The following PKNOX1 variants were observed in gnomAD, a reference collection of about 807,000 sequenced individuals.
PKNOX1 encodes the protein PBX/knotted 1 homeobox 1.
A neutral mutation model predicts 51.9 loss-of-function variants in PKNOX1; 15 were observed. The observed-to-expected ratio is 0.29, with a 90% confidence interval of 0.19 to 0.45. The LOEUF is 0.45. Ranked by LOEUF, PKNOX1 falls within the 20% of genes least tolerant of loss-of-function variation. The probability of loss-of-function intolerance (pLI) is 1.00; values close to 1 mark genes in which losing one functional copy is unlikely to be tolerated. For missense variants in PKNOX1, 462 were observed against 547.5 expected (o/e 0.84, Z 1.56); for synonymous variants, 219 against 211.1 (o/e 1.04, Z -0.32).
chr21:42,999,286 A>G (rs1978643775), intron 1 of PKNOX1, among the ~76,000 whole-genome samples: 1 of 152,066 alleles, frequency 6.6e-6, no homozygotes, highest in Non-Finnish European at 1.5e-5. Context: ...CAGAACAAGG[A>G]CCCTGGGCCT....
chr21:42,984,176 G>T (rs1298598951), intron 1 of PKNOX1, among the ~76,000 whole-genome samples: 1 of 151,990 alleles, frequency 6.6e-6, no homozygotes, highest in Non-Finnish European at 1.5e-5. Context: ...AAGTAATCCA[G>T]TAATACTCCT....
Position 43,030,278 on chromosome 21 carries a change from T to C in PKNOX1, c.*177T>C, listed in dbSNP as rs73235410. Reference sequence around the variant, plus strand: ...TCTTTCAAGTGTGTGTGTGTGTGTGTGTGTGTGTGTGTGTGCGTGTGTGCG... The same window carrying C: ...TCTTTCAAGTGTGTGTGTGTGTGTGCGTGTGTGTGTGTGTGCGTGTGTGCG... On this transcript the variant is annotated 3_prime_UTR_variant, in exon 11 of 11. Coordinates refer to ENST00000291547, the MANE Select transcript of PKNOX1 (RefSeq NM_004571.5). 673 of 334,822 alleles carry C rather than the reference T, an allele frequency of 2.0e-3. 6 individuals are homozygous for C. Among genetic ancestry groups the C allele is most frequent in the South Asian group, 3.9e-3 (74 of 19,010 alleles). The allele number at this position is 334,822 out of a possible 1,614,324, so 20.7% of individuals were successfully genotyped here.
chr21:43,027,716 G>A lies in PKNOX1; in HGVS notation c.927-986G>A, dbSNP rs114355459. 5.0e-3 allele frequency among the ~76,000 whole-genome samples: 760 copies of A among 151,940 alleles called. 5 individuals are homozygous for A. The highest frequency in any genetic ancestry group is 0.017 in the African/African-American group (720 of 41,442). On this transcript the variant is annotated intron_variant, in intron 9 of 10. Transcript: ENST00000291547. ...AGGCAGATCACAAGGTGAAGAGATCGAGACCATCTTGGCCAACATGGTGTA... is the reference window on the plus strand; with the variant it reads ...AGGCAGATCACAAGGTGAAGAGATCAAGACCATCTTGGCCAACATGGTGTA...
At chr21:43,012,978 A>G (rs1979320548) in intron 4 of PKNOX1, 90 bp from the exon 5 acceptor site, 1 of 1,007,328 alleles carries the variant, frequency 9.9e-7, no homozygotes, top group Non-Finnish European at 1.5e-6. Flanking sequence ...AGATGGTTCT[A>G]TCTAATGACT....
intron 1 of PKNOX1, among the ~76,000 whole-genome samples, chr21:42,997,925 T>C (rs1268471248): frequency 6.6e-6 from 1 of 152,152 alleles, no homozygotes; most frequent in African/African-American, 2.4e-5. Flanking sequence ...AAGGGGATGC[T>C]GATGCCTGAG....
chr21:43,008,061 T>TCACACACACACACA (rs56932866), intron 3 of PKNOX1, among the ~76,000 whole-genome samples: 54 of 146,870 alleles, frequency 3.7e-4, no homozygotes, highest in African/African-American at 1.1e-3. Context: ...CAAAACTCTG[T>TCACACACACACACA]CACACACACA....
At position 43,026,231 on chromosome 21, in the gene PKNOX1, C is replaced by T. The variant is rs78229389; in HGVS notation, c.926+1284C>T. ...CTGACTTGCTACTATGTTACATTAACGAATTGTCTTATCTAGGTTTAGTAT... is the reference window on the plus strand; with the variant it reads ...CTGACTTGCTACTATGTTACATTAATGAATTGTCTTATCTAGGTTTAGTAT... On this transcript the variant is annotated intron_variant, in intron 9 of 10. Transcript: ENST00000291547. Among the ~76,000 whole-genome samples, 6 of 152,250 alleles carry T rather than the reference C, an allele frequency of 3.9e-5. 1 individual carries two copies. In the East Asian group the frequency reaches 1.2e-3, roughly 29 times the overall value.
intron 1 of PKNOX1, among the ~76,000 whole-genome samples, chr21:43,003,056 C>T (rs1978831934): frequency 6.6e-6 from 1 of 152,210 alleles, no homozygotes; most frequent in African/African-American, 2.4e-5. Context: ...GACGGTAGTC[C>T]TTCTGCATCC....
chr21:42,975,047 C>CGGGGCGGGGGCG (rs532954182), intron 1 of PKNOX1, among the ~76,000 whole-genome samples: 6 of 141,052 alleles, frequency 4.3e-5, no homozygotes, highest in Non-Finnish European at 6.2e-5. Context: ...CGCCCCGGCG[C>CGGGGCGGGGGCG]GGGGCGGGGG....
In PKNOX1 at chr21:43,018,183, G is replaced by T; in HGVS notation, c.673G>T (p.Val225Phe). ...GGTCGTCACTCCCCAAGGCCAAGTG[G>T]TCACACAGACATTGTCGCCTGGGAC... ...VTVVTPQGQV[V>F]TQTLSPGTIR... Residue 225 changes from valine to phenylalanine, a missense_variant, in exon 7 of 11, where the codon GTC (valine) becomes TTC (phenylalanine). Transcript: ENST00000291547. 6.2e-7 allele frequency: 1 copy of T among 1,613,816 alleles called. No individual in the cohort carries two copies. Among genetic ancestry groups the T allele is most frequent in the Non-Finnish European group, 8.5e-7 (1 of 1,179,870 alleles).
chr21:43,028,255 C>T (rs775157533), intron 9 of PKNOX1, among the ~76,000 whole-genome samples: 19 of 152,180 alleles, frequency 1.2e-4, no homozygotes, highest in Non-Finnish European at 2.8e-4. Flanking sequence ...GAGGCTCGGC[C>T]CCGTTGGTGA....
At chr21:43,011,101 T>C (rs1389574229) in intron 4 of PKNOX1, among the ~76,000 whole-genome samples, 1 of 137,272 alleles carries the variant, frequency 7.3e-6, no homozygotes. Context: ...GGAGTCTCGC[T>C]CTGTTGCCCA....
At chr21:43,001,492 T>C (rs1004161862) in intron 1 of PKNOX1, among the ~76,000 whole-genome samples, 1 of 152,124 alleles carries the variant, frequency 6.6e-6, no homozygotes, top group Non-Finnish European at 1.5e-5. Context: ...TGGTCCTCCT[T>C]CTCCACGAGG....
intron 1 of PKNOX1, among the ~76,000 whole-genome samples, chr21:43,002,660 G>A (rs1247598809): frequency 1.3e-5 from 2 of 152,164 alleles, no homozygotes; most frequent in South Asian, 2.1e-4. Context: ...CTCAAGAGGC[G>A]ACCTGGCTGC....
chr21:43,006,953 A>G (rs1979015082), intron 2 of PKNOX1, among the ~76,000 whole-genome samples: 1 of 152,236 alleles, frequency 6.6e-6, no homozygotes, highest in South Asian at 2.1e-4. Flanking sequence ...AGCAGTTTAA[A>G]TGATAGTATC....
intron 1 of PKNOX1, among the ~76,000 whole-genome samples, chr21:42,985,631 G>A (rs1409791471): frequency 2.6e-5 from 4 of 151,100 alleles, no homozygotes; most frequent in East Asian, 2.0e-4. Context: ...CACCACGTCC[G>A]GCCAGGGTCT....
At chr21:43,016,619 C>CTGG (rs1210770576) in intron 5 of PKNOX1, among the ~76,000 whole-genome samples, 3 of 152,206 alleles carry the variant, frequency 2.0e-5, no homozygotes, top group Admixed American at 2.0e-4. Context: ...CGATATACTC[C>CTGG]TGGGCTGTAA....
chr21:43,025,233 A>G (rs1568905186), intron 9 of PKNOX1, among the ~76,000 whole-genome samples: 1 of 152,220 alleles, frequency 6.6e-6, no homozygotes, highest in East Asian at 1.9e-4. Context: ...GAGACTTAGG[A>G]ATAAACCAGG....
chr21:42,992,720 G>A lies in PKNOX1; in HGVS notation c.-56-11606G>A, dbSNP rs546667486. On this transcript the variant is annotated intron_variant, in intron 1 of 10. Coordinates refer to ENST00000291547, the MANE Select transcript of PKNOX1 (RefSeq NM_004571.5). ...TCACAGATTAGAGGAGGTCTTCACAGCACTGGGGGTTCCCTCACAGCACTG... is the reference window on the plus strand; with the variant it reads ...TCACAGATTAGAGGAGGTCTTCACAACACTGGGGGTTCCCTCACAGCACTG... 2.1e-5 allele frequency among the ~76,000 whole-genome samples: 3 copies of A among 141,086 alleles called. No homozygotes were observed. The East Asian group carries it at 5.8e-4, about 27-fold the overall frequency. 92.6% of individuals were successfully genotyped at this position (141,086 alleles called of 152,430 possible).
Sources: gnomAD v4.1 joint callset for allele counts (sites outside exome capture counted in the v4.1 genomes callset) on GRCh38, gnomAD v4.1.1 for gene constraint, MANE v1.5 for transcripts, NCBI Gene and HGNC (gene_info 2026-07-23, HGNC 2026-07-21) for gene names.